KDM1B: variants seen among roughly 807,000 people sequenced by gnomAD.
KDM1B encodes the protein lysine-specific histone demethylase 2.
Under a neutral mutation model 107.4 loss-of-function variants are expected in KDM1B, and 63 were observed. That is an observed-to-expected ratio of 0.59 (90% CI 0.48 to 0.72). The LOEUF (loss-of-function observed/expected upper bound fraction) is 0.72. Among genes scored for constraint, KDM1B ranks in the 30% least tolerant of loss-of-function variants. The pLI is 0.00. For missense variants in KDM1B, 749 were observed against 1,020.8 expected (o/e 0.73, Z 3.63); for synonymous variants, 363 against 363.9 (o/e 1.00, Z 0.03).
Position 18,171,452 on chromosome 6 carries a change from C to T in KDM1B, c.507C>T (p.Cys169=), listed in dbSNP as rs768391617. The T allele has an allele frequency of 1.8e-5, 29 of 1,607,290 alleles. No homozygotes were observed. Among genetic ancestry groups the T allele is most frequent in the South Asian group, 3.3e-5 (3 of 90,966 alleles). The change falls in exon 7 of 22, where the codon TGC becomes TGT. Residue 169 remains cysteine (C), a synonymous_variant. Coordinates refer to ENST00000650836, the MANE Select transcript of KDM1B (RefSeq NM_001364614.2). The part of the protein sequence containing the change: ...LTPQIAKTYR[C]GMKPNTAIKP... The stretch of plus-strand genomic sequence containing the variant: ...CACAGATAGCCAAGACTTATCGATG[C>T]GGTATGAAACCAAATACTGCTATTA...
intron 10 of KDM1B, among the ~76,000 whole-genome samples, chr6:18,193,876 CT>C (rs1233091815): frequency 3.3e-3 from 457 of 140,368 alleles, no homozygotes; most frequent in Middle Eastern, 7.4e-3. Flanking sequence ...AAGACAGTGT[CT>C]TTTTTTTTTT....
At chr6:18,196,905 A>C in intron 10 of KDM1B, 152 bp from the exon 11 acceptor site, 1 of 663,036 alleles carries the variant, frequency 1.5e-6, no homozygotes, top group Non-Finnish European at 2.5e-6. Context: ...GAAACCAGGG[A>C]GGACTGTACC....
rs1175627907 is a variant in KDM1B at position 18,203,335 on chromosome 6, G to A, written c.1531+1678G>A. ...AGGTAGGCTCAGCAATTCTTACTGT[G>A]TAAGTGGGTATTTCATCTTATCAAT... On this transcript the variant is annotated intron_variant, in intron 14 of 21. Coordinates refer to ENST00000650836, the MANE Select transcript of KDM1B (RefSeq NM_001364614.2). The surrounding 1 kb of genome is among the most constrained non-coding windows in gnomAD (Gnocchi z 5.5). 2.0e-5 allele frequency among the ~76,000 whole-genome samples: 3 copies of A among 152,154 alleles called. No homozygotes were observed. Among genetic ancestry groups the A allele is most frequent in the Non-Finnish European group, 2.9e-5 (2 of 68,036 alleles).
chr6:18,177,835 G>T (rs1786128592), intron 7 of KDM1B, among the ~76,000 whole-genome samples: 1 of 151,980 alleles, frequency 6.6e-6, no homozygotes, highest in African/African-American at 2.4e-5. Context: ...TTATGTATTG[G>T]CTGCTTTTAT....
chr6:18,201,788 G>T lies in KDM1B; in HGVS notation c.1531+131G>T, dbSNP rs2150979096. On this transcript the variant is annotated intron_variant, in intron 14 of 21. Coordinates refer to ENST00000650836, the MANE Select transcript of KDM1B (RefSeq NM_001364614.2). The surrounding 1 kb of genome is among the most constrained non-coding windows in gnomAD (Gnocchi z 4.3). The stretch of plus-strand genomic sequence containing the variant: ...GTAGCCCTCCTGAGCATTTCTTTTG[G>T]ACTGATGGATTCTCCAAGTTCTCAG... 1.4e-6 allele frequency: 1 copy of T among 740,112 alleles called. No individual in the cohort carries two copies. 45.8% of individuals were successfully genotyped at this position (740,112 alleles called of 1,614,324 possible). A position where few individuals can be genotyped will look rare whatever the true frequency, so the allele number is the denominator to read the frequency against.
At chr6:18,188,038 C>A in intron 9 of KDM1B, 36 bp downstream of exon 9, 1 of 1,511,202 alleles carries the variant, frequency 6.6e-7, no homozygotes, top group Admixed American at 2.0e-5. Context: ...GCTTTCTATT[C>A]CCCGCTCCCC....
rs1788205555 is a variant in KDM1B, at chr6:18,203,890, A to G, written c.1532-1647A>G. On this transcript the variant is annotated intron_variant, in intron 14 of 21. Transcript: ENST00000650836. This position sits in a 1 kb window ranked among gnomAD's most constrained non-coding sequence, Gnocchi z 5.5. ...AAAAAATCACATTGAGGCCTCTCTC[A>G]GTCTGTTTATACACTATCTTAGCAA... is the stretch of plus-strand genomic sequence containing the variant. Among the ~76,000 whole-genome samples the G allele has an allele frequency of 6.6e-6, 1 of 150,970 alleles. No individual in the cohort carries two copies. The highest frequency in any genetic ancestry group is 2.1e-4 in the South Asian group (1 of 4,784).
At chr6:18,175,322 T>C (rs748574479) in intron 7 of KDM1B, among the ~76,000 whole-genome samples, 1 of 152,214 alleles carries the variant, frequency 6.6e-6, no homozygotes, top group Non-Finnish European at 1.5e-5. Flanking sequence ...TAGCCCACTT[T>C]TTGATGGGGT....
At chr6:18,171,021 C>G (rs182865308) in intron 6 of KDM1B, among the ~76,000 whole-genome samples, 24 of 151,996 alleles carry the variant, frequency 1.6e-4, no homozygotes, top group Admixed American at 1.6e-3. Context: ...GGGGTTTCAC[C>G]GTGTTAGCCA....
rs530376097 is a variant in KDM1B, at chr6:18,191,786, T to C, written c.969+405T>C. Among the ~76,000 whole-genome samples the C allele has an allele frequency of 6.6e-6, 1 of 152,204 alleles. No homozygotes were observed. Among genetic ancestry groups the C allele is most frequent in the South Asian group, 2.1e-4 (1 of 4,824 alleles). Reference sequence around the variant, plus strand: ...TGGCAGGAGGGAAAAACATCAAAGATTGAATTACATACAAATCCTTGAGGA... The same window carrying C: ...TGGCAGGAGGGAAAAACATCAAAGACTGAATTACATACAAATCCTTGAGGA... On this transcript the variant is annotated intron_variant, in intron 10 of 21. Coordinates refer to ENST00000650836, the MANE Select transcript of KDM1B (RefSeq NM_001364614.2). This position sits in a 1 kb window ranked among gnomAD's most constrained non-coding sequence, Gnocchi z 5.1.
At chr6:18,195,410 C>T (rs867201906) in intron 10 of KDM1B, among the ~76,000 whole-genome samples, 1 of 152,210 alleles carries the variant, frequency 6.6e-6, no homozygotes, top group Admixed American at 6.5e-5. Flanking sequence ...ATTTATTTAT[C>T]GTGTACAATC....
At chr6:18,218,252 C>G (rs214580) in intron 21 of KDM1B, among the ~76,000 whole-genome samples, 2 of 152,090 alleles carry the variant, frequency 1.3e-5, no homozygotes, top group Non-Finnish European at 2.9e-5. Flanking sequence ...TCCCAAGTAG[C>G]TGGGACTGCA....
chr6:18,208,516 C>T (rs1252899679), intron 17 of KDM1B, among the ~76,000 whole-genome samples: 1 of 142,858 alleles, frequency 7.0e-6, no homozygotes, highest in Non-Finnish European at 1.5e-5. Flanking sequence ...TTAGGCAAGG[C>T]CAAGTAAGTT....
chr6:18,165,832 T>A (rs1256880726), intron 5 of KDM1B, among the ~76,000 whole-genome samples: 2 of 151,912 alleles, frequency 1.3e-5, no homozygotes, highest in African/African-American at 2.4e-5. Flanking sequence ...AAAAGAAATT[T>A]AAAAAAATAA....
At chr6:18,188,561 ACT>A (rs1787045451) in intron 9 of KDM1B, among the ~76,000 whole-genome samples, 1 of 152,070 alleles carries the variant, frequency 6.6e-6, no homozygotes, top group Non-Finnish European at 1.5e-5. Context: ...GAAATCACCT[ACT>A]CTCAAAAAAA....
At chr6:18,210,355 T>TTG (rs1788758413) in intron 17 of KDM1B, among the ~76,000 whole-genome samples, 2 of 47,984 alleles carry the variant, frequency 4.2e-5, no homozygotes, top group South Asian at 2.5e-3. Flanking sequence ...TTTTTTTTTT[T>TTG]TTTTTTTTTT....
intron 10 of KDM1B, among the ~76,000 whole-genome samples, chr6:18,192,156 G>A (rs974045465): frequency 3.0e-4 from 46 of 152,272 alleles, no homozygotes; most frequent in African/African-American, 1.0e-3. Flanking sequence ...TAGCTACTTA[G>A]GAGGCTGAGA....
rs75345052 is a variant in KDM1B, at chr6:18,207,597, G to A, written c.1791+68G>A. On this transcript the variant is annotated intron_variant, in intron 16 of 21. Transcript: ENST00000650836. Reference sequence around the variant, plus strand: ...GGAGGATGTGAAGTTCTGGGCATGCGGCTCACGCAGGAGAATGGGGCTGGC... The same window carrying A: ...GGAGGATGTGAAGTTCTGGGCATGCAGCTCACGCAGGAGAATGGGGCTGGC... 7.5e-3 allele frequency: 11,877 copies of A among 1,587,890 alleles called. 69 individuals carry two copies. Among genetic ancestry groups the A allele is most frequent in the Non-Finnish European group, 8.6e-3 (9,976 of 1,158,744 alleles).
chr6:18,175,349 ATTTG>A (rs1412597098), intron 7 of KDM1B, among the ~76,000 whole-genome samples: 2 of 150,204 alleles, frequency 1.3e-5, no homozygotes, highest in East Asian at 3.9e-4. Context: ...TCTCTTAATG[ATTTG>A]TTTGAGTTCA....
Sources: gnomAD v4.1 joint callset for allele counts (sites outside exome capture counted in the v4.1 genomes callset) on GRCh38, gnomAD v4.1.1 for gene constraint, Gnocchi (gnomAD v3.1) non-coding constraint, MANE v1.5 for transcripts, NCBI Gene and HGNC (gene_info 2026-07-23, HGNC 2026-07-21) for gene names.